TMEM117: variants seen among roughly 807,000 people sequenced by gnomAD.
The protein encoded by TMEM117 is transmembrane protein 117.
A neutral mutation model predicts 52.4 loss-of-function variants in TMEM117; 27 were observed. The observed-to-expected ratio is 0.51, with a 90% CI of 0.38 to 0.71. TMEM117 has a LOEUF of 0.71. Ranked by LOEUF, TMEM117 falls within the 30% of genes least tolerant of loss-of-function variation. The probability of loss-of-function intolerance (pLI) is 0.00; values close to 1 mark genes in which losing one functional copy is unlikely to be tolerated. For synonymous variants in TMEM117, 215 were observed against 206.3 expected (o/e 1.04, Z -0.36); for missense variants, 556 against 630.5 (o/e 0.88, Z 1.26).
At chr12:43,961,004 C>G (rs1017385307) in intron 3 of TMEM117, among the ~76,000 whole-genome samples, 2 of 152,028 alleles carry the variant, frequency 1.3e-5, no homozygotes, top group South Asian at 4.1e-4. Flanking sequence ...ATAATAGAAA[C>G]AGCATGGACT....
At chr12:43,936,772 G>A (rs1329209032) in intron 2 of TMEM117, among the ~76,000 whole-genome samples, 2 of 152,164 alleles carry the variant, frequency 1.3e-5, no homozygotes, top group South Asian at 2.1e-4. Flanking sequence ...TTCCGGATTT[G>A]GGAGTGGTGG....
chr12:44,245,211 GT>G lies in TMEM117; in HGVS notation c.608+33833del, dbSNP rs201628953. Among the ~76,000 whole-genome samples the G allele has an allele frequency of 2.5e-4, 38 of 150,492 alleles. No homozygotes were observed. In the South Asian group the frequency reaches 6.7e-3, roughly 26 times the overall value. On this transcript the variant is annotated intron_variant, in intron 5 of 7. Coordinates refer to ENST00000266534, the MANE Select transcript of TMEM117 (RefSeq NM_032256.3). ...CCATACACATTTTAGAGTTTTTAGA[GT>G]TTTTTTTTCTCTTTCTGTGAAGAAT...
At chr12:43,892,315 C>A (rs1944121942) in intron 2 of TMEM117, among the ~76,000 whole-genome samples, 1 of 152,108 alleles carries the variant, frequency 6.6e-6, no homozygotes, top group Non-Finnish European at 1.5e-5. Flanking sequence ...GAAATGTTGC[C>A]AACCAGGAAA....
chr12:44,374,275 G>C (rs949954362), intron 6 of TMEM117, among the ~76,000 whole-genome samples: 1 of 151,992 alleles, frequency 6.6e-6, no homozygotes, highest in Non-Finnish European at 1.5e-5. Flanking sequence ...TGGAGGCAAG[G>C]CTTTAAGAGA....
At chr12:44,051,667 A>G (rs1946974689) in intron 3 of TMEM117, among the ~76,000 whole-genome samples, 1 of 152,204 alleles carries the variant, frequency 6.6e-6, no homozygotes, top group Non-Finnish European at 1.5e-5. Flanking sequence ...AGAAATTGAG[A>G]TGCATAAAAT....
rs184366856 is a variant in TMEM117 at position 43,854,036 on chromosome 12, G to A, written c.277+9108G>A. ...GAACAATTTATGTTAGGAAAGAGGCGTTGCAGTGAAAAGGTAGGTTGGGCC... is the reference window on the plus strand; with the variant it reads ...GAACAATTTATGTTAGGAAAGAGGCATTGCAGTGAAAAGGTAGGTTGGGCC... On this transcript the variant is annotated intron_variant, in intron 2 of 7. Coordinates refer to ENST00000266534, the MANE Select transcript of TMEM117 (RefSeq NM_032256.3). 2.6e-5 allele frequency among the ~76,000 whole-genome samples: 4 copies of A among 152,266 alleles called. No homozygotes were observed. In the East Asian group the frequency reaches 5.8e-4, roughly 22 times the overall value.
intron 3 of TMEM117, chr12:44,009,320 AC>A (rs1555193191): frequency 4.1e-6 from 1 of 242,234 alleles, no homozygotes; most frequent in South Asian, 5.4e-5. Context: ...TTTAGCTTTA[AC>A]CCTAGAGAGA....
intron 7 of TMEM117, among the ~76,000 whole-genome samples, chr12:44,386,810 T>C (rs1952094786): frequency 6.6e-6 from 1 of 152,102 alleles, no homozygotes; most frequent in Admixed American, 6.6e-5. Flanking sequence ...TTACATATAA[T>C]AGGAGCTTTA....
At chr12:43,847,101 G>A (rs541591926) in intron 2 of TMEM117, among the ~76,000 whole-genome samples, 18 of 152,112 alleles carry the variant, frequency 1.2e-4, no homozygotes, top group African/African-American at 2.7e-4. Flanking sequence ...TGGTGGTGGG[G>A]CAGATAGTTT....
intron 6 of TMEM117, among the ~76,000 whole-genome samples, chr12:44,317,088 A>T (rs761796110): frequency 1.6e-5 from 2 of 124,684 alleles, no homozygotes; most frequent in African/African-American, 3.1e-5. Flanking sequence ...TTAATCCGTC[A>T]TTTCTGAGTG....
chr12:44,026,218 T>C (rs998441874), intron 3 of TMEM117, among the ~76,000 whole-genome samples: 1 of 152,228 alleles, frequency 6.6e-6, no homozygotes. Context: ...TGCAGTGGTA[T>C]TATCTTGTTG....
At chr12:43,931,553 G>A (rs1027941190) in intron 2 of TMEM117, among the ~76,000 whole-genome samples, 1 of 152,190 alleles carries the variant, frequency 6.6e-6, no homozygotes, top group Admixed American at 6.5e-5. Flanking sequence ...TCAGAGGGTA[G>A]AGAAATGCCC....
At chr12:44,375,965 C>A (rs1450272775) in intron 6 of TMEM117, among the ~76,000 whole-genome samples, 1 of 152,160 alleles carries the variant, frequency 6.6e-6, no homozygotes, top group East Asian at 1.9e-4. Flanking sequence ...CAGGAAATAT[C>A]TAATGACATG....
intron 4 of TMEM117, among the ~76,000 whole-genome samples, chr12:44,208,749 GCTTCAT>G: frequency 2.5e-5 from 1 of 39,492 alleles, no homozygotes; most frequent in East Asian, 7.2e-4. Context: ...TTTTTTTTTT[GCTTCAT>G]CTAACCATTT....
At chr12:44,373,394 T>C (rs950031040) in intron 6 of TMEM117, among the ~76,000 whole-genome samples, 1 of 152,250 alleles carries the variant, frequency 6.6e-6, no homozygotes, top group African/African-American at 2.4e-5. Flanking sequence ...GGGCCAGTGC[T>C]CTGCAATGGA....
intron 3 of TMEM117, among the ~76,000 whole-genome samples, chr12:44,107,713 C>T (rs73093464): frequency 0.043 from 6,497 of 152,232 alleles, 162 homozygotes; most frequent in Middle Eastern, 0.15. Context: ...ATTTACTCCA[C>T]AAGAAACATT....
chr12:43,954,656 T>C (rs1945278724), intron 3 of TMEM117, among the ~76,000 whole-genome samples: 2 of 152,080 alleles, frequency 1.3e-5, no homozygotes, highest in African/African-American at 2.4e-5. Flanking sequence ...GAGTAATAAA[T>C]AGCCTACCAA....
intron 5 of TMEM117, among the ~76,000 whole-genome samples, chr12:44,227,240 A>G (rs888175845): frequency 6.6e-6 from 1 of 152,172 alleles, no homozygotes; most frequent in Admixed American, 6.6e-5. Context: ...TGGGAGTCCA[A>G]GGCAGGCAGA....
chr12:44,051,818 G>A (rs1592475419), intron 3 of TMEM117, among the ~76,000 whole-genome samples: 3 of 152,192 alleles, frequency 2.0e-5, no homozygotes, highest in Admixed American at 6.5e-5. Flanking sequence ...ATGAACTTAA[G>A]TATATAATAA....
Sources: allele counts gnomAD v4.1 joint callset (sites outside exome capture counted in the v4.1 genomes callset), GRCh38; gene constraint gnomAD v4.1.1; transcripts MANE v1.5; gene names NCBI Gene and HGNC (gene_info 2026-07-23, HGNC 2026-07-21).